DKK3: variants seen among roughly 807,000 people sequenced by gnomAD.
DKK3 encodes the protein dickkopf Wnt signaling pathway inhibitor 3, also known as dickkopf-related protein 3.
A neutral mutation model predicts 33.2 loss-of-function variants in DKK3; 22 were observed. That is an observed-to-expected ratio of 0.66 (90% CI 0.47 to 0.95). DKK3 has a LOEUF of 0.95. DKK3 is among the 40% of genes least tolerant of loss of function. DKK3 has a pLI of 0.00. For missense variants in DKK3, 398 were observed against 458.4 expected (o/e 0.87, Z 1.20); for synonymous variants, 194 against 188.8 (o/e 1.03, Z -0.23).
intron 3 of DKK3, among the ~76,000 whole-genome samples, chr11:11,969,286 C>T (rs533897888): frequency 7.9e-5 from 12 of 152,304 alleles, no homozygotes; most frequent in East Asian, 7.7e-4. Flanking sequence ...GCCTACGAAC[C>T]GGCAGCTTTA....
chr11:11,980,934 A>C (rs1231251598), intron 3 of DKK3, among the ~76,000 whole-genome samples: 1 of 152,154 alleles, frequency 6.6e-6, no homozygotes, highest in Non-Finnish European at 1.5e-5. Context: ...GAAATGCCTC[A>C]GTCCCTAAAG....
chr11:12,009,613 T>C (rs11022112), upstream of DKK3: 1 of 985,508 alleles, frequency 1.0e-6, no homozygotes, highest in Non-Finnish European at 1.2e-6. Flanking sequence ...AGGTTGGGGG[T>C]AGGGGGAATG....
At position 11,982,720 on chromosome 11, in the gene DKK3, G is replaced by A. The variant is rs563591802; in HGVS notation, c.436-14233C>T. Among the ~76,000 whole-genome samples the A allele has an allele frequency of 6.6e-5, 10 of 152,274 alleles. No individual in the cohort carries two copies. The East Asian group carries it at 9.7e-4, about 15-fold the overall frequency. ...CAGTCCTCGGGCCACAAGTGAGGACGATGTCCCGCCACAACCATGGTGAGC... is the reference window on the plus strand; with the variant it reads ...CAGTCCTCGGGCCACAAGTGAGGACAATGTCCCGCCACAACCATGGTGAGC... On this transcript the variant is annotated intron_variant, in intron 3 of 6. Transcript: ENST00000683431.
Position 11,982,384 on chromosome 11 carries a change from G to A in DKK3, c.436-13897C>T, listed in dbSNP as rs112005103. On this transcript the variant is annotated intron_variant, in intron 3 of 6. Coordinates refer to ENST00000683431, the MANE Select transcript of DKK3 (RefSeq NM_001018057.2). ...CATGTCCCACCAGCTTCCCCGTGGC[G>A]CTGTCTGAAGGGTGGTACCTGCTCT... Among the ~76,000 whole-genome samples the A allele has an allele frequency of 4.4e-3, 665 of 152,212 alleles. 3 individuals are homozygous for A. The highest frequency in any genetic ancestry group is 0.015 in the African/African-American group (630 of 41,526).
chr11:12,003,345 T>C (rs776744553), intron 1 of DKK3, among the ~76,000 whole-genome samples: 1 of 152,154 alleles, frequency 6.6e-6, no homozygotes. Flanking sequence ...GGGACCCTTG[T>C]AGAGGGTCAG....
chr11:11,978,718 T>G (rs1023991692), intron 3 of DKK3: 5 of 152,322 alleles, frequency 3.3e-5, no homozygotes, highest in African/African-American at 7.2e-5. Context: ...GGATTGTGTA[T>G]GATAACAGGG....
In DKK3 at chr11:11,967,020, TG is replaced by T; in HGVS notation, c.606del (p.Ser203AlafsTer54). The T allele has an allele frequency of 3.7e-6, 6 of 1,614,086 alleles. No individual in the cohort carries two copies. The highest frequency in any genetic ancestry group is 5.1e-6 in the Non-Finnish European group (6 of 1,180,030). ...WGHCTKMATR[G>X]SNGTICDNQR... Reference sequence around the variant, plus strand: ...TGGTTGTCACAGATGGTCCCATTGCTGCCCCTGGTGGCCATTTTGGTGCAGT... The same window carrying T: ...TGGTTGTCACAGATGGTCCCATTGCTCCCCTGGTGGCCATTTTGGTGCAGT... On this transcript the variant is annotated frameshift_variant, in exon 5 of 7. Coordinates refer to ENST00000683431, the MANE Select transcript of DKK3 (RefSeq NM_001018057.2). LOFTEE classifies it high-confidence loss of function.
At chr11:12,009,540 C>A, upstream of DKK3, 2 of 968,780 alleles carry the variant, frequency 2.1e-6, no homozygotes, top group Non-Finnish European at 2.5e-6. Context: ...TCACTGCCTG[C>A]CCCTGCGCCC....
At chr11:12,009,322 G>T (rs1246696472), upstream of DKK3, 1 of 981,986 alleles carries the variant, frequency 1.0e-6, no homozygotes, top group African/African-American at 1.8e-5. Context: ...CGGTACCCGA[G>T]GGAGCCCGCA....
chr11:12,001,272 C>G (rs148929182), intron 2 of DKK3, among the ~76,000 whole-genome samples: 2 of 152,290 alleles, frequency 1.3e-5, no homozygotes, highest in Non-Finnish European at 2.9e-5. Context: ...ATTCATTTAC[C>G]TGGAGCTCAT....
intron 3 of DKK3, among the ~76,000 whole-genome samples, chr11:11,978,056 T>C (rs1847873132): frequency 6.6e-6 from 1 of 152,192 alleles, no homozygotes; most frequent in Non-Finnish European, 1.5e-5. Flanking sequence ...TGGGACACAC[T>C]CATACCAAAA....
chr11:12,006,323 C>T (rs1323143914), intron 1 of DKK3, among the ~76,000 whole-genome samples: 1 of 152,184 alleles, frequency 6.6e-6, no homozygotes, highest in Non-Finnish European at 1.5e-5. Context: ...GGATAGCTGC[C>T]CAACTCACTG....
intron 1 of DKK3, among the ~76,000 whole-genome samples, chr11:12,005,249 G>A (rs562970370): frequency 2.6e-5 from 4 of 152,282 alleles, no homozygotes; most frequent in South Asian, 4.1e-4. Context: ...ATGAGCTAAC[G>A]GTTCTTAAAT....
upstream of DKK3, chr11:12,008,923 T>G: frequency 1.9e-6 from 2 of 1,047,944 alleles, no homozygotes; most frequent in Non-Finnish European, 1.1e-6. This position sits in a 1 kb window ranked among gnomAD's most constrained non-coding sequence, Gnocchi z 4.6. Flanking sequence ...TCTACGCTAA[T>G]AGCTCCCAAG....
chr11:11,985,105 G>A (rs1848041566), intron 3 of DKK3, among the ~76,000 whole-genome samples: 2 of 152,304 alleles, frequency 1.3e-5, no homozygotes, highest in Middle Eastern at 3.4e-3. Flanking sequence ...GCTCCAAGGA[G>A]GAGGCCATGT....
chr11:11,969,647 C>A (rs998052149), intron 3 of DKK3, among the ~76,000 whole-genome samples: 1 of 143,932 alleles, frequency 6.9e-6, no homozygotes, highest in Non-Finnish European at 1.5e-5. Context: ...AGGGAAGGAC[C>A]GGCTCTCCCC....
chr11:11,965,888 G>A lies in DKK3; in HGVS notation c.751C>T (p.Leu251Phe), dbSNP rs752036871. Residue 251 changes from leucine (L) to phenylalanine (F), a missense_variant, in exon 6 of 7, where the codon CTC becomes TTC. Transcript: ENST00000683431. ...CHDPASRLLD[L>F]ITWELEPDGA... Reference sequence around the variant, plus strand: ...TCAGGCTCTAGCTCCCAGGTGATGAGGTCCAGAAGCCGGCTGGCGGGGTCA... The same window carrying A: ...TCAGGCTCTAGCTCCCAGGTGATGAAGTCCAGAAGCCGGCTGGCGGGGTCA... 2.5e-6 allele frequency: 4 copies of A among 1,614,170 alleles called. No homozygotes were observed. The highest frequency in any genetic ancestry group is 1.3e-5 in the African/African-American group (1 of 75,064).
intron 1 of DKK3, among the ~76,000 whole-genome samples, chr11:12,007,165 G>A (rs962443): frequency 0.058 from 8,773 of 152,232 alleles, 266 homozygotes; most frequent in South Asian, 0.12. Context: ...TGGAGTGGGA[G>A]GGGAAATAGC....
chr11:11,981,040 C>T (rs895939843), intron 3 of DKK3, among the ~76,000 whole-genome samples: 1 of 152,210 alleles, frequency 6.6e-6, no homozygotes, highest in African/African-American at 2.4e-5. Context: ...CAGAAAATAG[C>T]AGGGGGCTGG....
Sources: allele counts gnomAD v4.1 joint callset (sites outside exome capture counted in the v4.1 genomes callset), GRCh38; gene constraint gnomAD v4.1.1; non-coding constraint Gnocchi (gnomAD v3.1); transcripts MANE v1.5; gene names NCBI Gene and HGNC (gene_info 2026-07-23, HGNC 2026-07-21).